DOCK8: variants seen among roughly 807,000 people sequenced by gnomAD.
The protein encoded by DOCK8 is dedicator of cytokinesis 8.
In DOCK8, 141 loss-of-function variants were observed where a neutral mutation model predicts 245.6. That is an observed-to-expected ratio of 0.57 (90% CI 0.50 to 0.66). The LOEUF (loss-of-function observed/expected upper bound fraction) is 0.66, where lower values mean the gene tolerates loss of function less well. Ranked by LOEUF, DOCK8 falls within the 30% of genes least tolerant of loss-of-function variation. DOCK8 has a pLI of 0.00. For synonymous variants in DOCK8, 1,168 were observed against 970.2 expected (o/e 1.20, Z -3.79); for missense variants, 2,965 against 2,603.4 (o/e 1.14, Z -3.02).
At chr9:358,342 C>A (rs1026343091) in intron 14 of DOCK8, among the ~76,000 whole-genome samples, 1 of 152,182 alleles carries the variant, frequency 6.6e-6, no homozygotes, top group Non-Finnish European at 1.5e-5. Context: ...AGTCCTCCTG[C>A]CTTGACCTCC....
intron 1 of DOCK8, among the ~76,000 whole-genome samples, chr9:232,003 G>A (rs953463167): frequency 2.0e-5 from 3 of 152,106 alleles, no homozygotes; most frequent in African/African-American, 7.2e-5. Flanking sequence ...TCCAGTTTTT[G>A]CCCATTCAAT....
chr9:450,223 C>G (rs999520956), intron 45 of DOCK8, among the ~76,000 whole-genome samples: 1 of 152,158 alleles, frequency 6.6e-6, no homozygotes, highest in East Asian at 1.9e-4. Context: ...CAATATGATG[C>G]AAATCTGGAG....
At chr9:258,915 A>T (rs2047847964) in intron 1 of DOCK8, among the ~76,000 whole-genome samples, 1 of 152,004 alleles carries the variant, frequency 6.6e-6, no homozygotes, top group Non-Finnish European at 1.5e-5. Flanking sequence ...GACTCTTAAG[A>T]TACTTTCATA....
At chr9:428,566 T>A in intron 35 of DOCK8, 70 bp downstream of exon 35, 1 of 1,583,226 alleles carries the variant, frequency 6.3e-7, no homozygotes, top group Non-Finnish European at 8.7e-7. Context: ...CATACTTCTC[T>A]CTTCAGGTGG....
intron 29 of DOCK8, 88 bp downstream of exon 29, chr9:415,039 T>C (rs2055928126): frequency 6.5e-7 from 1 of 1,542,162 alleles, no homozygotes; most frequent in Middle Eastern, 2.3e-4. Flanking sequence ...TTCGTTCCAG[T>C]GCTGATATGT....
rs148816555 is a variant in DOCK8, at chr9:274,815, G to A, written c.156+3086G>A. On this transcript the variant is annotated intron_variant, in intron 2 of 47. Coordinates refer to ENST00000432829, the MANE Select transcript of DOCK8 (RefSeq NM_203447.4). ...AAATGAGAAGCCGTAGGTTTTCGTTGCATTATTTTGGCTAATTGAAAAATA... is the reference window on the plus strand; with the variant it reads ...AAATGAGAAGCCGTAGGTTTTCGTTACATTATTTTGGCTAATTGAAAAATA... 2.6e-4 allele frequency among the ~76,000 whole-genome samples: 40 copies of A among 152,256 alleles called. 1 individual carries two copies. Among genetic ancestry groups the A allele is most frequent in the African/African-American group, 9.1e-4 (38 of 41,576 alleles).
rs534809196 is a variant in DOCK8 at position 277,667 on chromosome 9, A to G, written c.156+5938A>G. Among the ~76,000 whole-genome samples, 10 of 152,154 alleles carry G rather than the reference A, an allele frequency of 6.6e-5. No individual in the cohort carries two copies. The East Asian group carries it at 1.9e-3, about 29-fold the overall frequency. The stretch of plus-strand genomic sequence containing the variant: ...TAACCTTAAGCTACATATTTTATGG[A>G]GGGAAAAATCCTATTTTTAAAAGTG... On this transcript the variant is annotated intron_variant, in intron 2 of 47. Transcript: ENST00000432829.
chr9:367,533 G>A (rs2053068570), intron 14 of DOCK8, among the ~76,000 whole-genome samples: 1 of 152,182 alleles, frequency 6.6e-6, no homozygotes, highest in Admixed American at 6.5e-5. Flanking sequence ...GAGCTTGGAG[G>A]TTTGAGCTGC....
chr9:463,332 T>C (rs374640962), intron 46 of DOCK8, among the ~76,000 whole-genome samples, 185 bp from the exon 47 acceptor site: 3 of 152,136 alleles, frequency 2.0e-5, no homozygotes, highest in East Asian at 3.9e-4. Context: ...CAGTTATGAT[T>C]CATTAAGTCT....
chr9:218,258 T>A (rs1214408434), intron 1 of DOCK8, among the ~76,000 whole-genome samples: 2 of 152,202 alleles, frequency 1.3e-5, no homozygotes, highest in South Asian at 2.1e-4. Flanking sequence ...TTAAAAATAT[T>A]TGTGGGATAA....
Position 446,520 on chromosome 9 carries a change from G to A in DOCK8, c.5731G>A (p.Glu1911Lys). 6.2e-7 allele frequency: 1 copy of A among 1,614,230 alleles called. No homozygotes were observed. Among genetic ancestry groups the A allele is most frequent in the Non-Finnish European group, 8.5e-7 (1 of 1,180,044 alleles). ...LEGRPRGELH[E>K]QYRRNTVLTT... is the part of the protein sequence containing the mutation. The stretch of plus-strand genomic sequence containing the variant: ...GGGGCGGCCTCGGGGAGAGCTGCAT[G>A]AGCAGTACAGAAGGAACACAGTCCT... Residue 1911 changes from glutamate to lysine, a missense_variant, in exon 44 of 48, where the codon GAG (glutamate) becomes AAG (lysine). Glu to Lys is a moderately conservative substitution (Grantham distance 56, BLOSUM62 1). Transcript: ENST00000432829.
intron 29 of DOCK8, 41 bp downstream of exon 29, chr9:414,992 C>T: frequency 6.2e-7 from 1 of 1,610,886 alleles, no homozygotes; most frequent in Non-Finnish European, 8.5e-7. Context: ...TGTTGGGGGC[C>T]CCTGCCAAAT....
chr9:237,226 G>C (rs905774532), intron 1 of DOCK8, among the ~76,000 whole-genome samples: 1 of 152,254 alleles, frequency 6.6e-6, no homozygotes. Flanking sequence ...TGTGGGAGCT[G>C]CAAGGAAAGC....
chr9:221,375 G>GA (rs755289788), intron 1 of DOCK8, among the ~76,000 whole-genome samples: 4 of 151,972 alleles, frequency 2.6e-5, no homozygotes, highest in Non-Finnish European at 5.9e-5. Context: ...AAAATATTTG[G>GA]AAAAAAATGT....
chr9:234,703 T>C (rs1378823034), intron 1 of DOCK8, among the ~76,000 whole-genome samples: 1 of 152,252 alleles, frequency 6.6e-6, no homozygotes, highest in Non-Finnish European at 1.5e-5. Context: ...TACTGAGGCT[T>C]CTGCATTCAT....
chr9:263,169 T>G (rs530762179), intron 1 of DOCK8, among the ~76,000 whole-genome samples: 1 of 151,376 alleles, frequency 6.6e-6, no homozygotes, highest in East Asian at 1.9e-4. Flanking sequence ...ATTGCACCAC[T>G]GCACTTCAAC....
At chr9:285,640 G>A (rs1586598268) in intron 2 of DOCK8, among the ~76,000 whole-genome samples, 1 of 152,114 alleles carries the variant, frequency 6.6e-6, no homozygotes, top group Non-Finnish European at 1.5e-5. Context: ...TATTTTAATT[G>A]AGGACTGACA....
At chr9:275,223 G>A (rs926274683) in intron 2 of DOCK8, among the ~76,000 whole-genome samples, 4 of 152,154 alleles carry the variant, frequency 2.6e-5, no homozygotes, top group African/African-American at 4.8e-5. Context: ...TTACGATTTG[G>A]CACTATGGAG....
At position 359,092 on chromosome 9, in the gene DOCK8, T is replaced by TATGCTG. The variant is rs995404199; in HGVS notation, c.1680-8912_1680-8907dup. Among the ~76,000 whole-genome samples, 7 of 152,344 alleles carry TATGCTG rather than the reference T, an allele frequency of 4.6e-5. No homozygotes were observed. The South Asian group carries it at 6.2e-4, about 14-fold the overall frequency. The stretch of plus-strand genomic sequence containing the variant: ...TTTCTAACTGGCTCCCAGGCAATGC[T>TATGCTG]ATGCTGATGCTGATGCTGACGCTGA... On this transcript the variant is annotated intron_variant, in intron 14 of 47. Coordinates refer to ENST00000432829, the MANE Select transcript of DOCK8 (RefSeq NM_203447.4).
Sources: allele counts gnomAD v4.1 joint callset (sites outside exome capture counted in the v4.1 genomes callset), GRCh38; gene constraint gnomAD v4.1.1; transcripts MANE v1.5; gene names NCBI Gene and HGNC (gene_info 2026-07-23, HGNC 2026-07-21).